PLD1: variants seen among roughly 807,000 people sequenced by gnomAD.
PLD1 encodes choline phosphatase 1.
A neutral mutation model predicts 137.1 loss-of-function variants in PLD1; 112 were observed. The ratio of observed to expected loss-of-function variants is 0.82; its 90% CI spans 0.70 to 0.96. The LOEUF (loss-of-function observed/expected upper bound fraction) is 0.96. Ranked by LOEUF, PLD1 falls within the 40% of genes least tolerant of loss-of-function variation. PLD1 has a pLI of 0.00. For missense variants in PLD1, 1,321 were observed against 1,342.0 expected (o/e 0.98, Z 0.24); for synonymous variants, 431 against 454.7 (o/e 0.95, Z 0.66).
At chr3:171,699,660 G>A (rs992983267) in intron 12 of PLD1, 85 bp downstream of exon 12, 57 of 922,582 alleles carry the variant, frequency 6.2e-5, no homozygotes, top group African/African-American at 2.0e-4. Context: ...AAAGTTATAC[G>A]TGTGAAAGGC....
chr3:171,783,621 GGTTT>G (rs1023804196), intron 1 of PLD1, among the ~76,000 whole-genome samples: 14 of 151,960 alleles, frequency 9.2e-5, no homozygotes, highest in East Asian at 7.7e-4. Flanking sequence ...ATTGAGATAG[GGTTT>G]GTTTGTTTGT....
chr3:171,800,304 G>T (rs1038529279), intron 1 of PLD1, among the ~76,000 whole-genome samples: 1 of 152,070 alleles, frequency 6.6e-6, no homozygotes, highest in Admixed American at 6.5e-5. Context: ...CGTCTCCCTG[G>T]TTCAAGCAAT....
At chr3:171,686,355 C>A (rs1448914501) in intron 16 of PLD1, among the ~76,000 whole-genome samples, 5 of 152,114 alleles carry the variant, frequency 3.3e-5, no homozygotes, top group African/African-American at 1.2e-4. Context: ...CCAGGCCTAA[C>A]CCAAATGTCC....
At chr3:171,674,662 T>C in intron 18 of PLD1, 49 bp from the exon 19 acceptor site, 1 of 1,051,248 alleles carries the variant, frequency 9.5e-7, no homozygotes, top group South Asian at 1.3e-5. Context: ...AAAAGATTCA[T>C]TCTCCCTACT....
Position 171,608,440 on chromosome 3 carries a change from A to T in PLD1, c.2883-3024T>A, listed in dbSNP as rs544784699. On this transcript the variant is annotated intron_variant, in intron 25 of 26. Coordinates refer to ENST00000351298, the MANE Select transcript of PLD1 (RefSeq NM_002662.5). ...TAAACAATTCTAAAGTCCATGTGGA[A>T]GAATTAATGTTTATGAATAACCAAG... Among the ~76,000 whole-genome samples the T allele has an allele frequency of 7.9e-4, 121 of 152,364 alleles. 1 individual carries two copies. The highest frequency in any genetic ancestry group is 2.8e-3 in the African/African-American group (116 of 41,594).
intron 1 of PLD1, among the ~76,000 whole-genome samples, chr3:171,754,745 A>G (rs1468611540): frequency 1.3e-5 from 2 of 152,254 alleles, no homozygotes; most frequent in Non-Finnish European, 2.9e-5. Flanking sequence ...ATGGATGAAC[A>G]TAAATATTAG....
At chr3:171,770,849 A>G (rs905426002) in intron 1 of PLD1, among the ~76,000 whole-genome samples, 1 of 146,188 alleles carries the variant, frequency 6.8e-6, no homozygotes, top group Non-Finnish European at 1.5e-5. Flanking sequence ...TGATCATTCA[A>G]CTGCACTCCA....
At chr3:171,622,108 T>G (rs1733690152) in intron 23 of PLD1, among the ~76,000 whole-genome samples, 1 of 152,232 alleles carries the variant, frequency 6.6e-6, no homozygotes, top group East Asian at 1.9e-4. Flanking sequence ...TGGATCATGA[T>G]CTAGAATTTA....
chr3:171,652,856 C>A (rs1736905680), intron 21 of PLD1, among the ~76,000 whole-genome samples: 1 of 135,912 alleles, frequency 7.4e-6, no homozygotes, highest in Admixed American at 8.6e-5. Context: ...CTCAAGTGAT[C>A]TTCCTGCCTC....
intron 1 of PLD1, chr3:171,792,329 C>G (rs1478564970): frequency 4.6e-5 from 15 of 325,778 alleles, no homozygotes; most frequent in South Asian, 3.7e-4. Flanking sequence ...CATCATGCAC[C>G]CAGGGGCCAG....
intron 1 of PLD1, among the ~76,000 whole-genome samples, chr3:171,808,155 C>T (rs140182265): frequency 3.7e-4 from 56 of 152,168 alleles, no homozygotes; most frequent in African/African-American, 1.3e-3. Flanking sequence ...ACCAGTTGTA[C>T]CCCCAACCTC....
chr3:171,802,075 G>C (rs1723672327), intron 1 of PLD1, among the ~76,000 whole-genome samples: 1 of 152,190 alleles, frequency 6.6e-6, no homozygotes, highest in African/African-American at 2.4e-5. Context: ...CAACATCTGT[G>C]AGGTCAGAAA....
rs1232170034 is a variant in PLD1 at position 171,603,127 on chromosome 3, G to C, written c.3176C>G (p.Pro1059Arg). 1.2e-6 allele frequency: 2 copies of C among 1,613,954 alleles called. No individual in the cohort carries two copies. Among genetic ancestry groups the C allele is most frequent in the African/African-American group, 2.7e-5 (2 of 74,906 alleles). ...FYFLSEESLL[P>R]SVGTKEAIVP... is the part of the protein sequence containing the mutation. ...TATGGCCTCTTTGGTCCCAACAGAA[G>C]GCAGTAGGCTTTCTTCAGACAAGAA... is the stretch of plus-strand genomic sequence containing the variant. The change falls in exon 27 of 27, where the codon CCT becomes CGT. Residue 1059 changes from proline (P) to arginine (R), a missense_variant. Physicochemically the swap from Pro to Arg is moderately radical, Grantham distance 103. Coordinates refer to ENST00000351298, the MANE Select transcript of PLD1 (RefSeq NM_002662.5).
At chr3:171,735,383 G>T in intron 4 of PLD1, 109 bp downstream of exon 4, 1 of 875,704 alleles carries the variant, frequency 1.1e-6, no homozygotes, top group Non-Finnish European at 1.9e-6. Context: ...TGATCCTCCT[G>T]CCTCAGCCTC....
At position 171,747,435 on chromosome 3, in the gene PLD1, C is replaced by T. The variant is rs867710976; in HGVS notation, c.-31-9353G>A. Among the ~76,000 whole-genome samples the T allele has an allele frequency of 1.7e-4, 25 of 150,894 alleles. No individual in the cohort carries two copies. The South Asian group carries it at 2.1e-3, about 13-fold the overall frequency. The stretch of plus-strand genomic sequence containing the variant: ...GCTATGGCCAGCCAGGAAATGACTG[C>T]TTTGCCTTCTTCCCTGCCTCTCTTC... On this transcript the variant is annotated intron_variant, in intron 1 of 26. Coordinates refer to ENST00000351298, the MANE Select transcript of PLD1 (RefSeq NM_002662.5).
At chr3:171,683,904 T>C (rs184625097) in intron 16 of PLD1, among the ~76,000 whole-genome samples, 40 of 152,364 alleles carry the variant, frequency 2.6e-4, no homozygotes, top group Non-Finnish European at 4.1e-4. Flanking sequence ...GTTGTAATCA[T>C]TGCCCAATTC....
Position 171,704,457 on chromosome 3 carries a change from G to GAAAAAAAAAA in PLD1, c.1145+4297_1145+4298insTTTTTTTTTT, listed in dbSNP as rs1362665761. Among the ~76,000 whole-genome samples, 56 of 98,148 alleles carry GAAAAAAAAAA rather than the reference G, an allele frequency of 5.7e-4. 1 individual carries two copies. The highest frequency in any genetic ancestry group is 2.1e-3 in the African/African-American group (45 of 21,744). 64.4% of individuals were successfully genotyped at this position (98,148 alleles called of 152,430 possible). ...AAAGTACCTGGCACACAAAGAACCA[G>GAAAAAAAAAA]GAAAAAAAAAAAAAAAAAAACCTTA... On this transcript the variant is annotated intron_variant, in intron 11 of 26. Coordinates refer to ENST00000351298, the MANE Select transcript of PLD1 (RefSeq NM_002662.5).
chr3:171,784,151 G>A (rs776807705), intron 1 of PLD1, among the ~76,000 whole-genome samples: 26 of 152,152 alleles, frequency 1.7e-4, no homozygotes, highest in Non-Finnish European at 2.8e-4. Context: ...TGTAATTTTT[G>A]AACCCTTCAA....
intron 9 of PLD1, among the ~76,000 whole-genome samples, chr3:171,710,579 G>C (rs1312255830): frequency 1.1e-4 from 16 of 152,182 alleles, no homozygotes; most frequent in Admixed American, 1.0e-3. Flanking sequence ...AGGTGGTAAT[G>C]CTCCCTCGCC....
Sources: allele counts gnomAD v4.1 joint callset (sites outside exome capture counted in the v4.1 genomes callset), GRCh38; gene constraint gnomAD v4.1.1; transcripts MANE v1.5; gene names NCBI Gene and HGNC (gene_info 2026-07-23, HGNC 2026-07-21).